The following FAM91A1 variants were observed in gnomAD, a reference collection of about 807,000 sequenced individuals.
FAM91A1 encodes the protein family with sequence similarity 91 member A1.
In FAM91A1, 41 loss-of-function variants were observed where a neutral mutation model predicts 113.5. The ratio of observed to expected loss-of-function variants is 0.36; its 90% CI spans 0.28 to 0.47. FAM91A1 has a LOEUF of 0.47. Ranked by LOEUF, FAM91A1 falls within the 20% of genes least tolerant of loss-of-function variation. The pLI, the probability that FAM91A1 is intolerant of heterozygous loss-of-function variation, is 1.00. For missense variants in FAM91A1, 696 were observed against 1,001.2 expected (o/e 0.70, Z 4.11); for synonymous variants, 307 against 347.9 (o/e 0.88, Z 1.31).
In FAM91A1 at chr8:123,780,528, ACAGTTGTATAGCAGGT is replaced by A; in HGVS notation, c.690_703+2del. 6.2e-7 allele frequency: 1 copy of A among 1,611,324 alleles called. No homozygotes were observed. The highest frequency in any genetic ancestry group is 8.5e-7 in the Non-Finnish European group (1 of 1,179,078). On this transcript the variant is annotated splice_donor_variant and coding_sequence_variant, in exon 8 of 24. Transcript: ENST00000334705. LOFTEE classifies it high-confidence loss of function. Reference sequence around the variant, plus strand: ...TATCTGGATGTACCAATATCTGATGACAGTTGTATAGCAGGTAAGTCCGTGCTAACATTTTTCACTG... The same window carrying A: ...TATCTGGATGTACCAATATCTGATGAAAGTCCGTGCTAACATTTTTCACTG...
chr8:123,811,962 C>A (rs1046621983), intron 23 of FAM91A1: 2 of 152,334 alleles, frequency 1.3e-5, no homozygotes, highest in African/African-American at 4.8e-5. Flanking sequence ...ACCTTTGCCT[C>A]CTGGGTTCAA....
At chr8:123,782,776 T>A (rs1815155922) in intron 8 of FAM91A1, among the ~76,000 whole-genome samples, 1 of 152,224 alleles carries the variant, frequency 6.6e-6, no homozygotes, top group African/African-American at 2.4e-5. Context: ...TGTTTCAAAT[T>A]TCTTCATGTA....
intron 14 of FAM91A1, chr8:123,788,235 C>T: frequency 1.0e-6 from 1 of 985,250 alleles, no homozygotes; most frequent in Non-Finnish European, 1.2e-6. Flanking sequence ...TGCTCTTAAC[C>T]ACCTTTTTCC....
chr8:123,811,864 T>C (rs1375873387), intron 23 of FAM91A1, among the ~76,000 whole-genome samples: 1 of 152,124 alleles, frequency 6.6e-6, no homozygotes. Context: ...AAGGTTTTTT[T>C]TGTTTGTTTG....
chr8:123,810,474 C>A lies in FAM91A1; in HGVS notation c.2331+123C>A, dbSNP rs1815925198. The A allele has an allele frequency of 1.4e-5, 13 of 942,956 alleles. No individual in the cohort carries two copies. In the South Asian group the frequency reaches 1.4e-4, roughly 10 times the overall value. The allele number at this position is 942,956 out of a possible 1,614,324, so 58.4% of individuals were successfully genotyped here. ...TGAAATAAACATTAATTTTATTGTACAAATGAAGACATTGAGATTCAAGAA... is the reference window on the plus strand; with the variant it reads ...TGAAATAAACATTAATTTTATTGTAAAAATGAAGACATTGAGATTCAAGAA... On this transcript the variant is annotated intron_variant, in intron 23 of 23. Coordinates refer to ENST00000334705, the MANE Select transcript of FAM91A1 (RefSeq NM_144963.4).
intron 1 of FAM91A1, among the ~76,000 whole-genome samples, chr8:123,773,012 G>A (rs901682712): frequency 6.6e-6 from 1 of 152,166 alleles, no homozygotes; most frequent in African/African-American, 2.4e-5. Flanking sequence ...CAGGGTGGCA[G>A]AGGAGGAAGA....
At chr8:123,778,819 A>C (rs140886757) in intron 6 of FAM91A1, 47 bp downstream of exon 6, 16 of 1,235,558 alleles carry the variant, frequency 1.3e-5, no homozygotes, top group Non-Finnish European at 1.6e-5. Flanking sequence ...TTTTTAGTTT[A>C]TTTTACAATT....
chr8:123,775,557 TGTA>T (rs1274432142), intron 3 of FAM91A1, among the ~76,000 whole-genome samples: 3 of 152,226 alleles, frequency 2.0e-5, no homozygotes, highest in African/African-American at 7.2e-5. Flanking sequence ...TTTGTGCTGT[TGTA>T]GTACTGATCA....
At position 123,787,475 on chromosome 8, in the gene FAM91A1, C is replaced by T. The variant is rs1387619043; in HGVS notation, c.1191+102C>T. The T allele has an allele frequency of 3.7e-6, 4 of 1,072,670 alleles. No individual in the cohort carries two copies. The East Asian group carries it at 1.0e-4, about 28-fold the overall frequency. 66.4% of individuals were successfully genotyped at this position (1,072,670 alleles called of 1,614,324 possible). On this transcript the variant is annotated intron_variant, in intron 13 of 23. Transcript: ENST00000334705. ...CTTTTTTAAAGTACTACATTTATTC[C>T]CGAAGCACAACTGACTTAGAGGAGT...
rs1240109249 is a variant in FAM91A1 at position 123,775,263 on chromosome 8, A to G, written c.274A>G (p.Ile92Val). Residue 92 changes from isoleucine (I) to valine (V), a missense_variant, in exon 3 of 24, where the codon ATA becomes GTA. Ile to Val is a conservative substitution (Grantham distance 29). Coordinates refer to ENST00000334705, the MANE Select transcript of FAM91A1 (RefSeq NM_144963.4). ...LSDIMVKGLR[I>V]TPFSYYTGIM... ...GGATATTATGGTGAAAGGCTTGAGG[A>G]TAACACCATTTTCATATTATACTGG... The G allele has an allele frequency of 1.2e-6, 2 of 1,613,860 alleles. No individual in the cohort carries two copies. The highest frequency in any genetic ancestry group is 1.7e-6 in the Non-Finnish European group (2 of 1,179,930).
chr8:123,770,033 A>C (rs898492690), intron 1 of FAM91A1, among the ~76,000 whole-genome samples: 12 of 151,890 alleles, frequency 7.9e-5, no homozygotes, highest in African/African-American at 2.9e-4. Flanking sequence ...GCTCACTGCA[A>C]ACTCTGCTTC....
At chr8:123,790,140 T>C (rs1180805395) in intron 15 of FAM91A1, among the ~76,000 whole-genome samples, 1 of 152,216 alleles carries the variant, frequency 6.6e-6, no homozygotes, top group African/African-American at 2.4e-5. Context: ...AAGAGGAGCC[T>C]TCTGTTCAAA....
At chr8:123,798,328 A>C in intron 16 of FAM91A1, 90 bp downstream of exon 16, 1 of 1,412,688 alleles carries the variant, frequency 7.1e-7, no homozygotes, top group Non-Finnish European at 9.5e-7. Context: ...AACTATTAAA[A>C]TCACTGAATC....
intron 18 of FAM91A1, 126 bp downstream of exon 18, chr8:123,800,011 A>G: frequency 1.2e-6 from 1 of 827,924 alleles, no homozygotes; most frequent in Non-Finnish European, 1.8e-6. Context: ...GTAAAAAATC[A>G]GAGATATGGA....
At chr8:123,773,336 G>A (rs565896431) in intron 1 of FAM91A1, among the ~76,000 whole-genome samples, 11 of 152,326 alleles carry the variant, frequency 7.2e-5, no homozygotes, top group Admixed American at 5.2e-4. Flanking sequence ...TTTATAGTGT[G>A]TTGGAAAGAC....
At chr8:123,806,346 T>C (rs1815812218) in intron 20 of FAM91A1, 117 bp downstream of exon 20, 1 of 1,082,138 alleles carries the variant, frequency 9.2e-7, no homozygotes, top group Non-Finnish European at 1.3e-6. Context: ...ATACTCAATA[T>C]TCTTTCACTG....
At chr8:123,792,762 T>C (rs34401634) in intron 15 of FAM91A1, among the ~76,000 whole-genome samples, 50,050 of 152,060 alleles carry the variant, frequency 0.33, 9,636 homozygotes, top group South Asian at 0.47. Context: ...TTCACTCTTT[T>C]GTGTTTTGGG....
intron 22 of FAM91A1, 81 bp from the exon 23 acceptor site, chr8:123,810,201 T>G: frequency 7.4e-7 from 1 of 1,359,894 alleles, no homozygotes; most frequent in Non-Finnish European, 1.0e-6. Flanking sequence ...GCATTTAAAT[T>G]GCTAAAATTA....
chr8:123,812,453 A>G (rs975340067), intron 23 of FAM91A1, 66 bp from the exon 24 acceptor site: 3 of 1,373,552 alleles, frequency 2.2e-6, no homozygotes, highest in Admixed American at 2.4e-5. Flanking sequence ...TCTCTTTCTC[A>G]TTAGTTATAT....
Sources: allele counts gnomAD v4.1 joint callset (sites outside exome capture counted in the v4.1 genomes callset), GRCh38; gene constraint gnomAD v4.1.1; transcripts MANE v1.5; gene names NCBI Gene and HGNC (gene_info 2026-07-23, HGNC 2026-07-21).